Variants in PRKG1 observed in about 807,000 individuals in gnomAD.
The protein encoded by PRKG1 is protein kinase cGMP-dependent 1.
A neutral mutation model predicts 88.1 loss-of-function variants in PRKG1; 35 were observed. The ratio of observed to expected loss-of-function variants is 0.40; its 90% CI spans 0.30 to 0.53. PRKG1 has a LOEUF of 0.53. PRKG1 is among the 20% of genes least tolerant of loss of function. The probability of loss-of-function intolerance (pLI) is 0.59; values close to 1 mark genes in which losing one functional copy is unlikely to be tolerated. For missense variants in PRKG1, 540 were observed against 839.8 expected (o/e 0.64, Z 4.41); for synonymous variants, 303 against 292.5 (o/e 1.04, Z -0.37).
intron 5 of PRKG1, among the ~76,000 whole-genome samples, chr10:51,969,109 A>C (rs1439337755): frequency 2.0e-5 from 3 of 152,112 alleles, no homozygotes; most frequent in African/African-American, 4.8e-5. Flanking sequence ...TGGTTTGGGA[A>C]TTTTTCAGTA....
chr10:51,863,525 T>A (rs1840939256), intron 4 of PRKG1, among the ~76,000 whole-genome samples: 1 of 152,222 alleles, frequency 6.6e-6, no homozygotes, highest in South Asian at 2.1e-4. Flanking sequence ...TTGGTATGAA[T>A]GTGTCCCCCC....
At chr10:52,254,732 AGAAGTATTTTTCTACAGGAGAATTT>A (rs1295820380) in intron 10 of PRKG1, among the ~76,000 whole-genome samples, 3 of 152,062 alleles carry the variant, frequency 2.0e-5, no homozygotes. Context: ...ATGTAGATGC[AGAAGTATTTTTCTACAGGAGAATTT>A]ATAAATAGTT....
At chr10:51,503,256 C>T (rs749928216) in intron 3 of PRKG1, among the ~76,000 whole-genome samples, 1 of 152,024 alleles carries the variant, frequency 6.6e-6, no homozygotes, top group Non-Finnish European at 1.5e-5. Context: ...TTATTTCTTT[C>T]AGTTCTTTCC....
intron 7 of PRKG1, among the ~76,000 whole-genome samples, chr10:52,127,277 C>T (rs947358364): frequency 6.6e-6 from 1 of 152,096 alleles, no homozygotes; most frequent in Admixed American, 6.6e-5. Context: ...CCAAGGAAAA[C>T]AGTGGTTTTG....
chr10:51,516,985 T>C (rs1276106723), intron 3 of PRKG1, among the ~76,000 whole-genome samples: 1 of 152,170 alleles, frequency 6.6e-6, no homozygotes, highest in East Asian at 1.9e-4. Context: ...ATCACAAAAA[T>C]TCTCTCTGAG....
At chr10:51,315,712 GT>G (rs1841301882) in intron 2 of PRKG1, among the ~76,000 whole-genome samples, 2 of 152,160 alleles carry the variant, frequency 1.3e-5, no homozygotes, top group African/African-American at 4.8e-5. Context: ...TATTTCTACT[GT>G]CCTAGAGGTT....
chr10:51,049,369 T>C (rs553950331), intron 1 of PRKG1, among the ~76,000 whole-genome samples: 1 of 152,342 alleles, frequency 6.6e-6, no homozygotes, highest in East Asian at 1.9e-4. Flanking sequence ...TGTGGCGTTG[T>C]AATTCATGTA....
chr10:52,133,639 A>G (rs1370887263), intron 7 of PRKG1, among the ~76,000 whole-genome samples: 1 of 152,132 alleles, frequency 6.6e-6, no homozygotes, highest in Admixed American at 6.6e-5. Flanking sequence ...ACTGGATTGT[A>G]ACTGTAGGAT....
At chr10:51,578,284 A>C (rs1222305349) in intron 3 of PRKG1, among the ~76,000 whole-genome samples, 2 of 152,134 alleles carry the variant, frequency 1.3e-5, no homozygotes, top group African/African-American at 4.8e-5. Flanking sequence ...TGGTCAAATT[A>C]ATAACCTGAA....
chr10:51,940,360 C>T (rs1314419275), intron 5 of PRKG1, among the ~76,000 whole-genome samples: 1 of 151,792 alleles, frequency 6.6e-6, no homozygotes, highest in South Asian at 2.1e-4. Context: ...TATATGATCC[C>T]AGGAAACGTA....
intron 2 of PRKG1, among the ~76,000 whole-genome samples, chr10:51,437,416 C>T (rs1838965643): frequency 6.6e-6 from 1 of 151,870 alleles, no homozygotes; most frequent in Admixed American, 6.6e-5. Context: ...TTTGTGACAT[C>T]CAGTCTTACC....
At chr10:51,044,912 G>A (rs1843467986) in intron 1 of PRKG1, among the ~76,000 whole-genome samples, 1 of 152,208 alleles carries the variant, frequency 6.6e-6, no homozygotes, top group African/African-American at 2.4e-5. Context: ...AGTCCTGGAA[G>A]CCAAATGTCT....
intron 2 of PRKG1, among the ~76,000 whole-genome samples, chr10:51,229,324 C>A (rs1838774246): frequency 6.6e-6 from 1 of 152,068 alleles, no homozygotes; most frequent in African/African-American, 2.4e-5. Flanking sequence ...AAACTCATTT[C>A]CCAGATAAGA....
intron 2 of PRKG1, among the ~76,000 whole-genome samples, chr10:51,243,337 T>C (rs973749244): frequency 3.9e-5 from 6 of 152,156 alleles, no homozygotes; most frequent in African/African-American, 1.4e-4. Context: ...TCACCACCAC[T>C]GGCCTAATGG....
At chr10:51,072,868 A>G (rs140022977), upstream of PRKG1, among the ~76,000 whole-genome samples, 1 of 152,274 alleles carries the variant, frequency 6.6e-6, no homozygotes, top group Non-Finnish European at 1.5e-5. Context: ...CTTAAATACA[A>G]AAAGTTGTGT....
intron 3 of PRKG1, among the ~76,000 whole-genome samples, chr10:51,478,423 G>A (rs760233843): frequency 1.3e-5 from 2 of 151,980 alleles, no homozygotes; most frequent in Non-Finnish European, 2.9e-5. Context: ...ATTTTTATAA[G>A]AATGCAAAAA....
chr10:51,444,802 A>C (rs1839221293), intron 2 of PRKG1, among the ~76,000 whole-genome samples: 1 of 152,000 alleles, frequency 6.6e-6, no homozygotes, highest in Non-Finnish European at 1.5e-5. Flanking sequence ...CACAAAACAA[A>C]ATACAAAGTT....
intron 1 of PRKG1, among the ~76,000 whole-genome samples, chr10:51,107,734 G>A (rs1344909884): frequency 2.0e-5 from 3 of 150,372 alleles, no homozygotes; most frequent in Admixed American, 6.6e-5. Context: ...TGAGCTGGGA[G>A]GGTATTTTGA....
At chr10:51,571,933 A>G (rs541986219) in intron 3 of PRKG1, among the ~76,000 whole-genome samples, 2 of 151,870 alleles carry the variant, frequency 1.3e-5, no homozygotes, top group East Asian at 3.9e-4. Flanking sequence ...TATCTACCGG[A>G]AAGCATACGA....
Sources: allele counts gnomAD v4.1 joint callset (sites outside exome capture counted in the v4.1 genomes callset), GRCh38; gene constraint gnomAD v4.1.1; transcripts MANE v1.5; gene names NCBI Gene and HGNC (gene_info 2026-07-23, HGNC 2026-07-21).